The following CCDC148 variants were observed in gnomAD, a reference collection of about 807,000 sequenced individuals.
CCDC148 encodes coiled-coil domain containing 148.
A neutral mutation model predicts 85.7 loss-of-function variants in CCDC148; 89 were observed. That is an observed-to-expected ratio of 1.04 (90% confidence interval 0.87 to 1.24). The LOEUF (loss-of-function observed/expected upper bound fraction) is 1.24, where lower values mean the gene tolerates loss of function less well. Ranked by LOEUF, CCDC148 falls within the 50% of genes most tolerant of loss-of-function variation. CCDC148 has a pLI of 0.00. For synonymous variants in CCDC148, 230 were observed against 213.9 expected (o/e 1.08, Z -0.66); for missense variants, 692 against 671.7 (o/e 1.03, Z -0.33).
At chr2:158,440,031 T>C (rs1687863828) in intron 1 of CCDC148, among the ~76,000 whole-genome samples, 1 of 152,046 alleles carries the variant, frequency 6.6e-6, no homozygotes, top group African/African-American at 2.4e-5. Context: ...GATATTTTTT[T>C]TTTTTACTAT....
At chr2:158,293,595 A>G (rs1229906452) in intron 9 of CCDC148, among the ~76,000 whole-genome samples, 2 of 152,168 alleles carry the variant, frequency 1.3e-5, no homozygotes, top group South Asian at 2.1e-4. Flanking sequence ...CCCTGAAACA[A>G]TATCATAGAC....
intron 2 of CCDC148, among the ~76,000 whole-genome samples, chr2:158,357,236 T>TA (rs909245868): frequency 4.2e-4 from 46 of 110,672 alleles, no homozygotes; most frequent in African/African-American, 1.3e-3. Flanking sequence ...TAATAAAAAA[T>TA]AAAAAAAAAG....
intron 10 of CCDC148, among the ~76,000 whole-genome samples, chr2:158,249,047 T>G (rs1015610419): frequency 1.3e-5 from 2 of 152,082 alleles, no homozygotes; most frequent in Admixed American, 6.6e-5. Flanking sequence ...TGTCCCTCCA[T>G]CCTCTCCTGT....
intron 9 of CCDC148, among the ~76,000 whole-genome samples, chr2:158,304,227 C>A (rs1165909545): frequency 1.3e-5 from 2 of 151,992 alleles, no homozygotes; most frequent in Admixed American, 6.6e-5. Context: ...CTTCAGGGCC[C>A]AGAGGTGGGA....
chr2:158,316,122 A>C (rs1692271102), intron 7 of CCDC148, among the ~76,000 whole-genome samples: 1 of 152,196 alleles, frequency 6.6e-6, no homozygotes, highest in South Asian at 2.1e-4. Flanking sequence ...AAATAGTTTA[A>C]ATCTTTTGGT....
chr2:158,440,343 G>A (rs569994140), intron 1 of CCDC148, among the ~76,000 whole-genome samples: 11 of 152,068 alleles, frequency 7.2e-5, no homozygotes, highest in East Asian at 1.9e-4. Context: ...AATATCAAGC[G>A]AAACAATGTA....
At chr2:158,348,544 A>G (rs939812824) in intron 2 of CCDC148, among the ~76,000 whole-genome samples, 3 of 152,010 alleles carry the variant, frequency 2.0e-5, no homozygotes, top group Admixed American at 1.3e-4. Flanking sequence ...TATATTTGAA[A>G]TTATTAAGAC....
intron 2 of CCDC148, among the ~76,000 whole-genome samples, chr2:158,348,372 G>C (rs187690257): frequency 6.6e-6 from 1 of 150,660 alleles, no homozygotes. Flanking sequence ...CAGACTATAA[G>C]ACAAACAATA....
At chr2:158,434,150 T>C (rs1687519755) in intron 1 of CCDC148, among the ~76,000 whole-genome samples, 1 of 152,122 alleles carries the variant, frequency 6.6e-6, no homozygotes, top group African/African-American at 2.4e-5. Context: ...GCTTGAGATC[T>C]GAGAACAGAC....
chr2:158,325,433 G>A (rs933824175), intron 7 of CCDC148, among the ~76,000 whole-genome samples: 5 of 152,108 alleles, frequency 3.3e-5, no homozygotes, highest in African/African-American at 1.2e-4. Context: ...AGTGTCCTTT[G>A]TTGGCTCTTC....
At chr2:158,310,892 G>C (rs1450075131) in intron 8 of CCDC148, among the ~76,000 whole-genome samples, 2 of 151,614 alleles carry the variant, frequency 1.3e-5, no homozygotes, top group South Asian at 4.2e-4. Flanking sequence ...GCCGGGCAGA[G>C]GGGCTCCTCA....
At chr2:158,315,424 A>T (rs1692231374) in intron 7 of CCDC148, among the ~76,000 whole-genome samples, 2 of 152,216 alleles carry the variant, frequency 1.3e-5, no homozygotes, top group Admixed American at 1.3e-4. Flanking sequence ...ACAAACAAAA[A>T]AATAGAACTA....
At chr2:158,282,701 G>A (rs1354211680) in intron 9 of CCDC148, among the ~76,000 whole-genome samples, 1 of 152,156 alleles carries the variant, frequency 6.6e-6, no homozygotes, top group Admixed American at 6.5e-5. Flanking sequence ...TGGCCATACT[G>A]CCCAAGGTAA....
At position 158,244,273 on chromosome 2, in the gene CCDC148, C is replaced by T. The variant is rs1280914411; in HGVS notation, c.1251+6499G>A. 2.6e-5 allele frequency among the ~76,000 whole-genome samples: 4 copies of T among 152,050 alleles called. No homozygotes were observed. In the East Asian group the frequency reaches 5.8e-4, roughly 22 times the overall value. Reference sequence around the variant, plus strand: ...AAATCTGTATTAGTTTTTTTTAAATCGTTGTTGTATAAAAATTGCCTCAAA... The same window carrying T: ...AAATCTGTATTAGTTTTTTTTAAATTGTTGTTGTATAAAAATTGCCTCAAA... On this transcript the variant is annotated intron_variant, in intron 10 of 13. Coordinates refer to ENST00000283233, the MANE Select transcript of CCDC148 (RefSeq NM_138803.4).
chr2:158,282,932 T>C (rs1033192608), intron 9 of CCDC148, among the ~76,000 whole-genome samples: 7 of 152,150 alleles, frequency 4.6e-5, no homozygotes, highest in Admixed American at 1.3e-4. Context: ...AAAACAGAGA[T>C]ATAGATCAAT....
intron 7 of CCDC148, among the ~76,000 whole-genome samples, chr2:158,330,802 T>A (rs527553871): frequency 2.0e-5 from 3 of 152,160 alleles, no homozygotes; most frequent in Non-Finnish European, 4.4e-5. Context: ...TGCATAGAGG[T>A]GTTTATAGTA....
At chr2:158,295,901 A>G (rs1691165004) in intron 9 of CCDC148, among the ~76,000 whole-genome samples, 1 of 152,084 alleles carries the variant, frequency 6.6e-6, no homozygotes, top group Non-Finnish European at 1.5e-5. Context: ...AAGGAAATAA[A>G]GGGTATTCAA....
chr2:158,268,970 C>T (rs773936784), intron 9 of CCDC148, among the ~76,000 whole-genome samples: 4 of 152,142 alleles, frequency 2.6e-5, no homozygotes, highest in Non-Finnish European at 5.9e-5. Context: ...CCTTTCATCC[C>T]TTGATGGACA....
chr2:158,360,505 C>T (rs1030858795), intron 1 of CCDC148, among the ~76,000 whole-genome samples: 1 of 152,172 alleles, frequency 6.6e-6, no homozygotes, highest in African/African-American at 2.4e-5. Context: ...TGTTCTGCAG[C>T]CTCCACTGGT....
Sources: gnomAD v4.1 joint callset for allele counts (sites outside exome capture counted in the v4.1 genomes callset) on GRCh38, gnomAD v4.1.1 for gene constraint, MANE v1.5 for transcripts, NCBI Gene and HGNC (gene_info 2026-07-23, HGNC 2026-07-21) for gene names.